ECT2L: variants seen among roughly 807,000 people sequenced by gnomAD.
ECT2L encodes the protein epithelial cell-transforming sequence 2 oncogene-like.
ECT2L carries 126 observed loss-of-function variants against 122.8 expected under a neutral mutation model. The observed-to-expected ratio is 1.03, with a 90% CI of 0.89 to 1.19. The LOEUF is 1.19. Among genes scored for constraint, ECT2L ranks in the 50% most tolerant of loss-of-function variants. The pLI is 0.00. For synonymous variants in ECT2L, 385 were observed against 381.8 expected (o/e 1.01, Z -0.10); for missense variants, 1,012 against 1,064.1 (o/e 0.95, Z 0.68).
chr6:138,885,521 C>G lies in ECT2L; in HGVS notation c.2044C>G (p.Pro682Ala). ...CACCTTTTAGTGCAGAGAAATGATACCAGCATTCCGAACTTTCCTGAAGAG... is the reference window on the plus strand; with the variant it reads ...CACCTTTTAGTGCAGAGAAATGATAGCAGCATTCCGAACTTTCCTGAAGAG... ...KTIEKCREMI[P>A]AFRTFLKRHD... The change falls in exon 17 of 22, where the codon CCA (proline) becomes GCA (alanine). Residue 682 changes from proline (P) to alanine (A), a missense_variant. By Grantham distance (27) the Pro-to-Ala change is conservative (BLOSUM62 -1). Transcript: ENST00000541398. The G allele has an allele frequency of 1.2e-6, 2 of 1,614,094 alleles. No homozygotes were observed. Among genetic ancestry groups the G allele is most frequent in the Non-Finnish European group, 1.7e-6 (2 of 1,179,994 alleles).
At chr6:138,841,391 C>T (rs530853312) in intron 5 of ECT2L, among the ~76,000 whole-genome samples, 1 of 152,162 alleles carries the variant, frequency 6.6e-6, no homozygotes, top group Non-Finnish European at 1.5e-5. Flanking sequence ...GCTTCTGGCA[C>T]GTCTAGTGCT....
intron 1 of ECT2L, among the ~76,000 whole-genome samples, chr6:138,810,017 A>T (rs1425025300): frequency 2.0e-5 from 3 of 152,234 alleles, no homozygotes; most frequent in Non-Finnish European, 4.4e-5. Context: ...ATTAAAGGGC[A>T]TATTATATAC....
intron 14 of ECT2L, among the ~76,000 whole-genome samples, chr6:138,878,336 C>CACACAT (rs1554277687): frequency 1.7e-5 from 2 of 120,974 alleles, no homozygotes; most frequent in African/African-American, 5.7e-5. Flanking sequence ...CACACACATA[C>CACACAT]ATATATACAT....
intron 18 of ECT2L, among the ~76,000 whole-genome samples, chr6:138,886,151 C>T (rs903323683): frequency 2.0e-5 from 3 of 151,716 alleles, no homozygotes; most frequent in Non-Finnish European, 4.4e-5. Context: ...TCCTTTGTTT[C>T]TGAAAGTACT....
intron 4 of ECT2L, 33 bp downstream of exon 4, chr6:138,814,636 A>T: frequency 7.6e-7 from 1 of 1,321,890 alleles, no homozygotes; most frequent in Non-Finnish European, 1.1e-6. Context: ...ATTAACATTG[A>T]TTCTTAAAGA....
intron 10 of ECT2L, among the ~76,000 whole-genome samples, chr6:138,854,643 T>C (rs1022043488): frequency 6.6e-6 from 1 of 152,192 alleles, no homozygotes; most frequent in African/African-American, 2.4e-5. Context: ...AATGGTACCT[T>C]AGTGCATCTT....
At chr6:138,863,345 T>C (rs1237588036) in intron 11 of ECT2L, among the ~76,000 whole-genome samples, 1 of 152,210 alleles carries the variant, frequency 6.6e-6, no homozygotes, top group Non-Finnish European at 1.5e-5. Context: ...ATATAAATCA[T>C]TGCTTCTCTA....
chr6:138,850,415 G>A (rs1562473886), intron 9 of ECT2L, among the ~76,000 whole-genome samples: 1 of 152,166 alleles, frequency 6.6e-6, no homozygotes, highest in African/African-American at 2.4e-5. Context: ...AAAGTGCTGG[G>A]ATTACAGGCA....
At chr6:138,845,613 A>G (rs959262546) in intron 7 of ECT2L, among the ~76,000 whole-genome samples, 1 of 152,188 alleles carries the variant, frequency 6.6e-6, no homozygotes, top group Non-Finnish European at 1.5e-5. Flanking sequence ...GGGCCTAGGA[A>G]GGTGACATGA....
chr6:138,886,823 T>G, intron 18 of ECT2L, 34 bp from the exon 19 acceptor site: 1 of 1,492,162 alleles, frequency 6.7e-7, no homozygotes, highest in Non-Finnish European at 9.3e-7. Flanking sequence ...ATGTCACAAT[T>G]TTAGTTTGCC....
rs749191757 is a variant in ECT2L at position 138,885,554 on chromosome 6, A to T, written c.2077A>T (p.Lys693Ter). The change falls in exon 17 of 22, where the codon AAG becomes TAG. Residue 693 changes from lysine (K) to a stop codon, truncating the protein, a stop_gained. Coordinates refer to ENST00000541398, the MANE Select transcript of ECT2L (RefSeq NM_001077706.3). LOFTEE classifies it high-confidence loss of function. ...AFRTFLKRHD[K>*]TIVTKMLSLP... is the part of the protein sequence containing the mutation. ...CCGAACTTTCCTGAAGAGGCATGATAAGACCATTGTTACCAAAATGCTGAG... is the reference window on the plus strand; with the variant it reads ...CCGAACTTTCCTGAAGAGGCATGATTAGACCATTGTTACCAAAATGCTGAG... 6.2e-7 allele frequency: 1 copy of T among 1,614,206 alleles called. No homozygotes were observed. Among genetic ancestry groups the T allele is most frequent in the South Asian group, 1.1e-5 (1 of 91,086 alleles).
chr6:138,860,186 T>C (rs966181096), intron 10 of ECT2L, among the ~76,000 whole-genome samples: 2 of 152,194 alleles, frequency 1.3e-5, no homozygotes, highest in Admixed American at 1.3e-4. Context: ...ATAGATCATC[T>C]TTGGCATCAT....
intron 13 of ECT2L, among the ~76,000 whole-genome samples, chr6:138,869,545 A>G (rs1250507804): frequency 6.6e-6 from 1 of 152,234 alleles, no homozygotes; most frequent in Admixed American, 6.5e-5. Context: ...AGGCAGCCCA[A>G]TGACGAAAGG....
chr6:138,855,531 A>G (rs147692531), intron 10 of ECT2L, among the ~76,000 whole-genome samples: 199 of 152,258 alleles, frequency 1.3e-3, no homozygotes, highest in Non-Finnish European at 2.2e-3. Flanking sequence ...AAATATGCAT[A>G]GAAAAATCTA....
intron 1 of ECT2L, among the ~76,000 whole-genome samples, chr6:138,796,488 T>C (rs1302604226): frequency 6.6e-6 from 1 of 152,202 alleles, no homozygotes; most frequent in African/African-American, 2.4e-5. Context: ...AGTAAAGTTC[T>C]TGAACACTTT....
chr6:138,850,299 C>A (rs1777389995), intron 9 of ECT2L, among the ~76,000 whole-genome samples: 1 of 152,156 alleles, frequency 6.6e-6, no homozygotes, highest in Admixed American at 6.5e-5. Context: ...CGTCCACCAC[C>A]ATGCCTGGCT....
At position 138,885,593 on chromosome 6, in the gene ECT2L, G is replaced by T; in HGVS notation, c.2102+14G>T. 1 of 1,614,190 alleles carries T rather than the reference G, an allele frequency of 6.2e-7. No individual in the cohort carries two copies. The highest frequency in any genetic ancestry group is 1.3e-5 in the African/African-American group (1 of 75,064). On this transcript the variant is annotated intron_variant, in intron 17 of 21. Coordinates refer to ENST00000541398, the MANE Select transcript of ECT2L (RefSeq NM_001077706.3). ...CAAAATGCTGAGGTACGTTCTGAGGGAGAGCACAGCAGGGGTCCCCCCAGA... is the reference window on the plus strand; with the variant it reads ...CAAAATGCTGAGGTACGTTCTGAGGTAGAGCACAGCAGGGGTCCCCCCAGA...
At chr6:138,837,336 C>T (rs553326279) in intron 4 of ECT2L, among the ~76,000 whole-genome samples, 86 of 152,214 alleles carry the variant, frequency 5.6e-4, no homozygotes, top group South Asian at 1.2e-3. Flanking sequence ...CAGAAGCAAT[C>T]GTCTCCTTCT....
chr6:138,874,766 T>A (rs1387830523), intron 13 of ECT2L, among the ~76,000 whole-genome samples: 1 of 152,192 alleles, frequency 6.6e-6, no homozygotes, highest in Non-Finnish European at 1.5e-5. Flanking sequence ...GTTTTTGTTT[T>A]TTGAGACAGT....
Sources: gnomAD v4.1 joint callset for allele counts (sites outside exome capture counted in the v4.1 genomes callset) on GRCh38, gnomAD v4.1.1 for gene constraint, MANE v1.5 for transcripts, NCBI Gene and HGNC (gene_info 2026-07-23, HGNC 2026-07-21) for gene names.